RSRC1: variants seen among roughly 807,000 people sequenced by gnomAD.
RSRC1 encodes arginine and serine rich coiled-coil 1.
In RSRC1, 39 loss-of-function variants were observed where a neutral mutation model predicts 49.1. The observed-to-expected ratio is 0.79, with a 90% CI of 0.61 to 1.04. The LOEUF is 1.04. Ranked by LOEUF, RSRC1 falls within the 50% of genes least tolerant of loss-of-function variation. The pLI is 0.00. For missense variants in RSRC1, 388 were observed against 402.4 expected (o/e 0.96, Z 0.31); for synonymous variants, 143 against 130.8 (o/e 1.09, Z -0.63).
intron 5 of RSRC1, among the ~76,000 whole-genome samples, chr3:158,322,864 ATTCT>A (rs1407044901): frequency 2.0e-5 from 3 of 151,490 alleles, no homozygotes; most frequent in Non-Finnish European, 4.4e-5. Context: ...ATACTCACTA[ATTCT>A]TTCTTCTGCC....
intron 3 of RSRC1, among the ~76,000 whole-genome samples, chr3:158,174,094 G>C (rs1416401347): frequency 6.6e-6 from 1 of 151,614 alleles, no homozygotes; most frequent in East Asian, 1.9e-4. Flanking sequence ...TGAATTTTAT[G>C]GTATGTAAAA....
intron 5 of RSRC1, among the ~76,000 whole-genome samples, chr3:158,339,764 T>G (rs147929547): frequency 2.6e-5 from 4 of 152,352 alleles, no homozygotes; most frequent in Non-Finnish European, 5.9e-5. Context: ...AAGACAATGG[T>G]TGCTTTCAAA....
intron 3 of RSRC1, among the ~76,000 whole-genome samples, chr3:158,150,585 T>C (rs1717462213): frequency 1.3e-5 from 2 of 152,162 alleles, no homozygotes; most frequent in Admixed American, 1.3e-4. Flanking sequence ...ATATTATGTG[T>C]TAGGGACAGT....
intron 1 of RSRC1, among the ~76,000 whole-genome samples, chr3:158,118,462 T>TGTGTGTGTGTGTGTGCGCGCGC (rs1491469875): frequency 1.4e-3 from 169 of 124,704 alleles, no homozygotes; most frequent in African/African-American, 1.6e-3. Flanking sequence ...TGTGTGTGTG[T>TGTGTGTGTGTGTGTGCGCGCGC]GCGCGTGCGC....
intron 3 of RSRC1, among the ~76,000 whole-genome samples, chr3:158,137,661 T>C (rs143857080): frequency 0.047 from 7,012 of 150,270 alleles, 231 homozygotes; most frequent in Non-Finnish European, 0.071. Flanking sequence ...TTTTCTTTTT[T>C]TTTTTTTTTG....
At position 158,415,129 on chromosome 3, in the gene RSRC1, A is replaced by G. The variant is rs80333660; in HGVS notation, c.584-45806A>G. On this transcript the variant is annotated intron_variant, in intron 6 of 9. Coordinates refer to ENST00000611884, the MANE Select transcript of RSRC1 (RefSeq NM_001271838.2). ...CCAGGGCAAATGGTGAATGTTTCTC[A>G]TCATTTTTGCTTGAAAATGGTGTGA... 4.6e-3 allele frequency among the ~76,000 whole-genome samples: 707 copies of G among 152,250 alleles called. 2 individuals carry two copies. Among genetic ancestry groups the G allele is most frequent in the Middle Eastern group, 0.02 (6 of 294 alleles).
intron 5 of RSRC1, among the ~76,000 whole-genome samples, chr3:158,321,326 C>G (rs1386678810): frequency 6.6e-6 from 1 of 151,222 alleles, no homozygotes; most frequent in Non-Finnish European, 1.5e-5. Context: ...TCTTCTTCTT[C>G]TTTGCCAGAA....
chr3:158,111,063 A>G (rs1158158885), intron 1 of RSRC1, among the ~76,000 whole-genome samples: 1 of 152,192 alleles, frequency 6.6e-6, no homozygotes, highest in East Asian at 1.9e-4. Context: ...ATAAATTCAA[A>G]TGTCTTATGT....
intron 4 of RSRC1, among the ~76,000 whole-genome samples, chr3:158,256,380 T>C (rs910005516): frequency 6.6e-6 from 1 of 152,202 alleles, no homozygotes; most frequent in African/African-American, 2.4e-5. Context: ...TTGCGTATGT[T>C]GAACTAGCCT....
At chr3:158,349,986 C>T (rs1184311196) in intron 5 of RSRC1, among the ~76,000 whole-genome samples, 2 of 151,536 alleles carry the variant, frequency 1.3e-5, no homozygotes, top group East Asian at 1.9e-4. Context: ...GCTTGAGCCA[C>T]GTGCCCAGGC....
At chr3:158,206,732 G>T (rs1204345651) in intron 4 of RSRC1, among the ~76,000 whole-genome samples, 1 of 152,072 alleles carries the variant, frequency 6.6e-6, no homozygotes, top group Non-Finnish European at 1.5e-5. Context: ...TGACCAACAT[G>T]GTGAAACCCT....
intron 7 of RSRC1, among the ~76,000 whole-genome samples, chr3:158,474,369 T>G (rs1738278640): frequency 6.6e-6 from 1 of 152,224 alleles, no homozygotes; most frequent in Non-Finnish European, 1.5e-5. Context: ...ACATACTTCA[T>G]TGCTAAAAAA....
At chr3:158,478,150 A>G (rs967880769) in intron 7 of RSRC1, among the ~76,000 whole-genome samples, 1 of 151,646 alleles carries the variant, frequency 6.6e-6, no homozygotes, top group African/African-American at 2.4e-5. Flanking sequence ...GGATCTTATC[A>G]CTCCTACCAC....
At chr3:158,473,341 T>C (rs1244128982) in intron 7 of RSRC1, among the ~76,000 whole-genome samples, 2 of 151,974 alleles carry the variant, frequency 1.3e-5, no homozygotes, top group Non-Finnish European at 2.9e-5. Flanking sequence ...CCATAAAAAA[T>C]GATGAGTTCA....
In RSRC1 at chr3:158,184,392, T is replaced by C. The variant is rs187800524; in HGVS notation, c.321-18680T>C. ...TTTTCTTTCCTCTTGTCCCTGAGCA[T>C]ATAACACAGTGCAGTACAATACACA... is the stretch of plus-strand genomic sequence containing the variant. On this transcript the variant is annotated intron_variant, in intron 3 of 9. Transcript: ENST00000611884. Among the ~76,000 whole-genome samples the C allele has an allele frequency of 4.3e-3, 648 of 152,268 alleles. 4 individuals carry two copies. The highest frequency in any genetic ancestry group is 0.015 in the African/African-American group (608 of 41,560).
chr3:158,326,025 CTGTT>C (rs773967558), intron 5 of RSRC1, among the ~76,000 whole-genome samples: 15 of 152,256 alleles, frequency 9.9e-5, no homozygotes, highest in African/African-American at 2.4e-4. Flanking sequence ...ATTTGGCTCT[CTGTT>C]TGTCTGTTAT....
At chr3:158,402,263 T>TC (rs753784811) in intron 6 of RSRC1, among the ~76,000 whole-genome samples, 4 of 151,926 alleles carry the variant, frequency 2.6e-5, no homozygotes. Context: ...GAGGGTTTTT[T>TC]CCCCCTTTCT....
At chr3:158,526,311 C>G (rs1033130201) in intron 7 of RSRC1, among the ~76,000 whole-genome samples, 1 of 151,894 alleles carries the variant, frequency 6.6e-6, no homozygotes, top group African/African-American at 2.4e-5. Flanking sequence ...ACAGAGCAGC[C>G]TAGTGCAATG....
chr3:158,493,674 G>C (rs1396728306), intron 7 of RSRC1, among the ~76,000 whole-genome samples: 2 of 152,184 alleles, frequency 1.3e-5, no homozygotes, highest in Non-Finnish European at 1.5e-5. Flanking sequence ...TTTATGGACA[G>C]AAAATGGAAG....
Sources: gnomAD v4.1 joint callset for allele counts (sites outside exome capture counted in the v4.1 genomes callset) on GRCh38, gnomAD v4.1.1 for gene constraint, MANE v1.5 for transcripts, NCBI Gene and HGNC (gene_info 2026-07-23, HGNC 2026-07-21) for gene names.